The following SVIL variants were observed in gnomAD, a reference collection of about 807,000 sequenced individuals.
The protein encoded by SVIL is archvillin.
A neutral mutation model predicts 240.4 loss-of-function variants in SVIL; 101 were observed. That is an observed-to-expected ratio of 0.42 (90% CI 0.36 to 0.50). The LOEUF (loss-of-function observed/expected upper bound fraction) is 0.50, where lower values mean the gene tolerates loss of function less well. SVIL is among the 20% of genes least tolerant of loss of function. The pLI is 0.01. For missense variants in SVIL, 2,512 were observed against 2,818.7 expected, an observed-to-expected ratio of 0.89 and a Z score of 2.46; for synonymous variants, 999 against 1,100.0, an observed-to-expected ratio of 0.91 and a Z score of 1.82.
chr10:29,584,771 G>A (rs116100227), intron 1 of SVIL, among the ~76,000 whole-genome samples: 2,588 of 152,304 alleles, frequency 0.017, 77 homozygotes, highest in African/African-American at 0.059. Flanking sequence ...GGGAAGGGAG[G>A]CCGTGGACAG....
chr10:29,631,801 C>T (rs547288160), intron 1 of SVIL, among the ~76,000 whole-genome samples: 12 of 151,988 alleles, frequency 7.9e-5, no homozygotes, highest in Admixed American at 1.3e-4. Context: ...AAAAAGATGG[C>T]GAGGCTTAAG....
chr10:29,505,582 A>G (rs1949215939), intron 17 of SVIL, among the ~76,000 whole-genome samples: 1 of 152,168 alleles, frequency 6.6e-6, no homozygotes, highest in South Asian at 2.1e-4. Flanking sequence ...ACGATTCTGT[A>G]TGATAGTGTA....
At chr10:29,513,739 T>A (rs1332708611) in intron 16 of SVIL, among the ~76,000 whole-genome samples, 1 of 152,216 alleles carries the variant, frequency 6.6e-6, no homozygotes, top group Non-Finnish European at 1.5e-5. Flanking sequence ...ACCCATTTTT[T>A]AAAATTATCA....
chr10:29,522,654 A>G lies in SVIL; in HGVS notation c.3164-19T>C, dbSNP rs1372473587. Reference sequence around the variant, plus strand: ...TCTGCCGCTGGGAAGGAAAAGAGCAACATCAGCACTGAACTCCTCAGGCAA... The same window carrying G: ...TCTGCCGCTGGGAAGGAAAAGAGCAGCATCAGCACTGAACTCCTCAGGCAA... On this transcript the variant is annotated intron_variant, in intron 15 of 37. Coordinates refer to ENST00000355867, the MANE Select transcript of SVIL (RefSeq NM_021738.3). The G allele has an allele frequency of 6.2e-7, 1 of 1,610,792 alleles. No individual in the cohort carries two copies. The highest frequency in any genetic ancestry group is 2.2e-5 in the East Asian group (1 of 44,714).
chr10:29,628,284 T>C (rs1465821560), intron 1 of SVIL, among the ~76,000 whole-genome samples: 2 of 152,238 alleles, frequency 1.3e-5, no homozygotes, highest in African/African-American at 2.4e-5. Flanking sequence ...AGCGGTTTGT[T>C]TGTTTTGGAG....
chr10:29,640,118 C>A (rs957534682), intron 3 of SVIL, among the ~76,000 whole-genome samples: 1 of 152,154 alleles, frequency 6.6e-6, no homozygotes, highest in East Asian at 1.9e-4. Context: ...TTTTTATCAC[C>A]CTGAATGTTC....
rs1164311360 is a variant in SVIL, at chr10:29,554,868, G to C, written c.75C>G (p.Ser25Arg). The change falls in exon 5 of 38, where the codon AGC (serine) becomes AGG (arginine). Residue 25 changes from serine (S) to arginine (R), a missense_variant. Physicochemically the swap from Ser to Arg is moderately radical, Grantham distance 110. Coordinates refer to ENST00000355867, the MANE Select transcript of SVIL (RefSeq NM_021738.3). ...GGCGGTGAGTCACCAATCCTGTGCA[G>C]CTCTGCAAGAGGATGGGCTGAGTGT... ...ENDTQPILLQ[S>R]CTGLVTHRLL... The C allele has an allele frequency of 6.2e-7, 1 of 1,613,898 alleles. No homozygotes were observed. Among genetic ancestry groups the C allele is most frequent in the East Asian group, 2.2e-5 (1 of 44,856 alleles).
At chr10:29,537,366 T>C (rs1026032204) in intron 6 of SVIL, among the ~76,000 whole-genome samples, 1 of 152,148 alleles carries the variant, frequency 6.6e-6, no homozygotes, top group Non-Finnish European at 1.5e-5. Flanking sequence ...TAATATATAG[T>C]CCACACATTC....
intron 1 of SVIL, among the ~76,000 whole-genome samples, chr10:29,581,231 C>G (rs2132763903): frequency 6.6e-6 from 1 of 152,258 alleles, no homozygotes; most frequent in African/African-American, 2.4e-5. Flanking sequence ...GTGTGCAGAT[C>G]CTTAATCTGA....
intron 1 of SVIL, among the ~76,000 whole-genome samples, chr10:29,613,587 G>A (rs1215974060): frequency 2.6e-5 from 4 of 152,130 alleles, no homozygotes; most frequent in Middle Eastern, 3.4e-3. Flanking sequence ...ATCCTCCTGC[G>A]TAGGCCTCTC....
intron 1 of SVIL, among the ~76,000 whole-genome samples, chr10:29,703,730 C>G (rs1044226105): frequency 6.6e-6 from 1 of 152,216 alleles, no homozygotes; most frequent in African/African-American, 2.4e-5. Flanking sequence ...CTCAGTGGCC[C>G]TGACAAACAG....
At chr10:29,625,718 T>C (rs1309693954) in intron 1 of SVIL, among the ~76,000 whole-genome samples, 1 of 152,176 alleles carries the variant, frequency 6.6e-6, no homozygotes, top group East Asian at 1.9e-4. Context: ...CGCCTTGGCC[T>C]CCCAAAGTGC....
intron 2 of SVIL, among the ~76,000 whole-genome samples, chr10:29,682,314 C>T (rs1458794967): frequency 2.0e-5 from 3 of 152,092 alleles, no homozygotes; most frequent in Non-Finnish European, 4.4e-5. Flanking sequence ...TGCGTCAGCC[C>T]AATGATGAAG....
chr10:29,550,918 C>T lies in SVIL; in HGVS notation c.506G>A (p.Gly169Glu). The T allele has an allele frequency of 6.2e-7, 1 of 1,614,058 alleles. No homozygotes were observed. ...GGTCCTGAGCCCCATCGTCTCGGTCCCGGGGTACAGAGAACTAGCATCTCT... is the reference window on the plus strand; with the variant it reads ...GGTCCTGAGCCCCATCGTCTCGGTCTCGGGGTACAGAGAACTAGCATCTCT... ...SSRDASSLYP[G>E]TETMGLRTCA... Residue 169 changes from glycine (G) to glutamate (E), a missense_variant, in exon 6 of 38, where the codon GGG becomes GAG. By Grantham distance (98) the Gly-to-Glu change is moderately conservative. Transcript: ENST00000355867.
At chr10:29,677,616 C>T (rs1960297525) in intron 2 of SVIL, among the ~76,000 whole-genome samples, 1 of 152,052 alleles carries the variant, frequency 6.6e-6, no homozygotes, top group Non-Finnish European at 1.5e-5. Context: ...AGAAACAGGT[C>T]TCACTATATT....
Position 29,465,636 on chromosome 10 carries a change from A to G in SVIL, c.6092T>C (p.Met2031Thr), listed in dbSNP as rs756164209. 5.6e-6 allele frequency: 9 copies of G among 1,614,008 alleles called. No individual in the cohort carries two copies. The highest frequency in any genetic ancestry group is 1.7e-5 in the Admixed American group (1 of 60,030). ...GTACAGATCTTCCTGCAGGAAGGGCATGGAACTGACCACAGAGGGGGCTCG... is the reference window on the plus strand; with the variant it reads ...GTACAGATCTTCCTGCAGGAAGGGCGTGGAACTGACCACAGAGGGGGCTCG... The part of the protein sequence containing the change: ...PARAPSVVSS[M>T]PFLQEDLYSA... The change falls in exon 34 of 38, where the codon ATG becomes ACG. Residue 2031 changes from methionine to threonine, a missense_variant. This residue lies in a region of SVIL where 797 missense variants were observed against 925.3 expected (regional missense o/e 0.86). Coordinates refer to ENST00000355867, the MANE Select transcript of SVIL (RefSeq NM_021738.3).
chr10:29,596,660 C>A (rs2132821589), intron 1 of SVIL, among the ~76,000 whole-genome samples: 1 of 152,284 alleles, frequency 6.6e-6, no homozygotes, highest in South Asian at 2.1e-4. Flanking sequence ...CCTCCTGCAC[C>A]TCCCTTTTGT....
At chr10:29,504,473 G>T (rs577386683) in intron 17 of SVIL, among the ~76,000 whole-genome samples, 434 of 152,176 alleles carry the variant, frequency 2.9e-3, no homozygotes, top group Admixed American at 4.6e-3. Context: ...AATATACAAA[G>T]AACTGTTAAA....
At chr10:29,602,592 G>A (rs933323617) in intron 1 of SVIL, among the ~76,000 whole-genome samples, 1 of 152,224 alleles carries the variant, frequency 6.6e-6, no homozygotes, top group Non-Finnish European at 1.5e-5. Context: ...TATCAATCAT[G>A]TACATTTGTA....
Sources: allele counts gnomAD v4.1 joint callset (sites outside exome capture counted in the v4.1 genomes callset), GRCh38; gene constraint gnomAD v4.1.1; regional missense constraint gnomAD v4.1.1; transcripts MANE v1.5; gene names NCBI Gene and HGNC (gene_info 2026-07-23, HGNC 2026-07-21).